The following PRPF38B variants were observed in gnomAD, a reference collection of about 807,000 sequenced individuals.
PRPF38B encodes pre-mRNA-splicing factor 38B.
PRPF38B carries 18 observed loss-of-function variants against 67.2 expected under a neutral mutation model. The observed-to-expected ratio is 0.27, with a 90% confidence interval of 0.19 to 0.40. The LOEUF (loss-of-function observed/expected upper bound fraction) is 0.40, where lower values mean the gene tolerates loss of function less well. Ranked by LOEUF, PRPF38B falls within the 10% of genes least tolerant of loss-of-function variation. The pLI is 1.00. For missense variants in PRPF38B, 544 were observed against 684.9 expected, an observed-to-expected ratio of 0.79 and a Z score of 2.30; for synonymous variants, 246 against 234.2, an observed-to-expected ratio of 1.05 and a Z score of -0.46.
Position 108,698,896 on chromosome 1 carries a change from T to C in PRPF38B, c.782+69T>C, listed in dbSNP as rs560385865. 205 of 1,400,564 alleles carry C rather than the reference T, an allele frequency of 1.5e-4. 1 individual carries two copies. The highest frequency in any genetic ancestry group is 9.8e-4 in the East Asian group (40 of 40,644). The allele number at this position is 1,400,564 out of a possible 1,614,324, so 86.8% of individuals were successfully genotyped here. On this transcript the variant is annotated intron_variant, in intron 5 of 5. Coordinates refer to ENST00000370025, the MANE Select transcript of PRPF38B (RefSeq NM_018061.4). ...ATACAAAATTAATGGTTCTGAGAAATAGCAAGTTCTTAGGAATTTGTTTTT... is the reference window on the plus strand; with the variant it reads ...ATACAAAATTAATGGTTCTGAGAAACAGCAAGTTCTTAGGAATTTGTTTTT...
chr1:108,695,202 TAG>T (rs1659752683), intron 1 of PRPF38B, among the ~76,000 whole-genome samples: 1 of 152,256 alleles, frequency 6.6e-6, no homozygotes, highest in South Asian at 2.1e-4. Context: ...TTTTATAATG[TAG>T]ATTTTAAATT....
At position 108,699,915 on chromosome 1, in the gene PRPF38B, C is replaced by T. The variant is rs766027763; in HGVS notation, c.1536C>T (p.His512=). 6 of 1,614,120 alleles carry T rather than the reference C, an allele frequency of 3.7e-6. No homozygotes were observed. In the South Asian group the frequency reaches 6.6e-5, roughly 18 times the overall value. ...AAGAACGTTCCCACAAACGAGATCA[C>T]AGTGATAGTAAGGACCAGTCAGACA... ...RSKERSHKRD[H]SDSKDQSDKH... The change falls in exon 6 of 6, where the codon CAC becomes CAT. Residue 512 remains histidine (H), a synonymous_variant. Coordinates refer to ENST00000370025, the MANE Select transcript of PRPF38B (RefSeq NM_018061.4).
At chr1:108,695,849 A>C in intron 2 of PRPF38B, 79 bp downstream of exon 2, 2 of 1,489,542 alleles carry the variant, frequency 1.3e-6, no homozygotes, top group South Asian at 2.4e-5. Flanking sequence ...GAGGCCTGTC[A>C]ATTATACACT....
At position 108,699,392 on chromosome 1, in the gene PRPF38B, G is replaced by A; in HGVS notation, c.1013G>A (p.Ser338Asn). The change falls in exon 6 of 6, where the codon AGT (serine) becomes AAT (asparagine). Residue 338 changes from serine (S) to asparagine (N), a missense_variant. Physicochemically the swap from Ser to Asn is conservative, Grantham distance 46. Transcript: ENST00000370025. Reference sequence around the variant, plus strand: ...AGCAGAAGTAGGGAAAGGCATAGAAGTCGCAGTCGAAGTCGTGATAGGAAA... The same window carrying A: ...AGCAGAAGTAGGGAAAGGCATAGAAATCGCAGTCGAAGTCGTGATAGGAAA... ...RRSRSRERHR[S>N]RSRSRDRKGD... The A allele has an allele frequency of 6.2e-7, 1 of 1,613,060 alleles. No homozygotes were observed. The highest frequency in any genetic ancestry group is 8.5e-7 in the Non-Finnish European group (1 of 1,179,104).
chr1:108,696,917 T>A (rs1022579088), intron 4 of PRPF38B: 1 of 549,794 alleles, frequency 1.8e-6, no homozygotes, highest in Admixed American at 3.5e-5. Flanking sequence ...AAAAAAGAAA[T>A]TTTTTAAATT....
chr1:108,699,439 C>T lies in PRPF38B; in HGVS notation c.1060C>T (p.Arg354Ter), dbSNP rs775081443. The T allele has an allele frequency of 6.2e-7, 1 of 1,612,192 alleles. No homozygotes were observed. The highest frequency in any genetic ancestry group is 2.2e-5 in the East Asian group (1 of 44,826). The change falls in exon 6 of 6, where the codon CGA (arginine) becomes TGA (stop). Residue 354 changes from arginine (R) to a stop codon, truncating the protein, a stop_gained. Transcript: ENST00000370025. LOFTEE classifies it high-confidence loss of function. ...GAAAGGGGATAGAAGGGACAGGGATCGAGAAAGAGAGAAAGAAAATGAGAG... is the reference window on the plus strand; with the variant it reads ...GAAAGGGGATAGAAGGGACAGGGATTGAGAAAGAGAGAAAGAAAATGAGAG... ...DRKGDRRDRD[R>*]EREKENERGR...
rs926673556 is a variant in PRPF38B at position 108,702,896 on chromosome 1, A to C, written c.*2876A>C. Reference sequence around the variant, plus strand: ...AATCTTTTGCCTGTTTTTAATGTTCAATTTGCAATTAAATTCTATACATGG... The same window carrying C: ...AATCTTTTGCCTGTTTTTAATGTTCCATTTGCAATTAAATTCTATACATGG... On this transcript the variant is annotated 3_prime_UTR_variant, in exon 6 of 6. Transcript: ENST00000370025. 1.3e-5 allele frequency among the ~76,000 whole-genome samples: 2 copies of C among 152,216 alleles called. No homozygotes were observed. The highest frequency in any genetic ancestry group is 2.9e-5 in the Non-Finnish European group (2 of 68,040).
chr1:108,692,687 C>A lies in PRPF38B; in HGVS notation c.96C>A (p.Gly32=). The A allele has an allele frequency of 6.2e-7, 1 of 1,612,908 alleles. No individual in the cohort carries two copies. The highest frequency in any genetic ancestry group is 1.7e-5 in the Admixed American group (1 of 60,026). ...AAQQQQQCGG[G]GATKPAVSGK... Reference sequence around the variant, plus strand: ...AGCAACAGCAGCAGTGCGGCGGCGGCGGCGCTACCAAGCCGGCGGTCTCCG... The same window carrying A: ...AGCAACAGCAGCAGTGCGGCGGCGGAGGCGCTACCAAGCCGGCGGTCTCCG... Residue 32 remains glycine (G), a synonymous_variant, in exon 1 of 6, where the codon GGC becomes GGA. Transcript: ENST00000370025.
chr1:108,701,168 A>G lies in PRPF38B; in HGVS notation c.*1148A>G, dbSNP rs1186365883. On this transcript the variant is annotated 3_prime_UTR_variant, in exon 6 of 6. Coordinates refer to ENST00000370025, the MANE Select transcript of PRPF38B (RefSeq NM_018061.4). ...GAACCATCATGAGTGTGGAATAAATACTGGATTAAATCCTTTATCCTGGGT... is the reference window on the plus strand; with the variant it reads ...GAACCATCATGAGTGTGGAATAAATGCTGGATTAAATCCTTTATCCTGGGT... The G allele has an allele frequency of 6.6e-6, 1 of 152,656 alleles. No homozygotes were observed. The highest frequency in any genetic ancestry group is 6.5e-5 in the Admixed American group (1 of 15,280). 9.5% of individuals were successfully genotyped at this position (152,656 alleles called of 1,614,324 possible).
In PRPF38B at chr1:108,699,522, G is replaced by T; in HGVS notation, c.1143G>T (p.Glu381Asp). The change falls in exon 6 of 6, where the codon GAG becomes GAT. Residue 381 changes from glutamate (E) to aspartate (D), a missense_variant. Around this residue, in one of 5 missense-constraint regions of PRPF38B, gnomAD observed 387 missense variants for 386.1 expected, o/e 1.00. Transcript: ENST00000370025. ...DKERGNEREK[E>D]RERSRERSKE... ...AAAGAGGAAATGAACGAGAAAAAGA[G>T]AGAGAGCGATCAAGAGAAAGGTCCA... is the stretch of plus-strand genomic sequence containing the variant. 6.4e-7 allele frequency: 1 copy of T among 1,562,466 alleles called. No individual in the cohort carries two copies. Among genetic ancestry groups the T allele is most frequent in the Non-Finnish European group, 8.7e-7 (1 of 1,153,178 alleles).
intron 1 of PRPF38B, among the ~76,000 whole-genome samples, chr1:108,694,656 A>C (rs1383109574): frequency 6.6e-6 from 1 of 152,204 alleles, no homozygotes; most frequent in Non-Finnish European, 1.5e-5. Flanking sequence ...ACTTACATGC[A>C]CGCTTTTCTA....
intron 4 of PRPF38B, chr1:108,698,012 C>T (rs1281929631): frequency 6.6e-6 from 1 of 152,214 alleles, no homozygotes; most frequent in African/African-American, 2.4e-5. Context: ...AGAAGGCCTT[C>T]ATGCGGTAAT....
intron 1 of PRPF38B, among the ~76,000 whole-genome samples, chr1:108,694,129 A>G (rs907938954): frequency 1.3e-5 from 2 of 152,252 alleles, no homozygotes; most frequent in African/African-American, 4.8e-5. Flanking sequence ...GTACACAAAT[A>G]AATTTGGAAT....
At position 108,702,150 on chromosome 1, in the gene PRPF38B, G is replaced by A. The variant is rs774470234; in HGVS notation, c.*2130G>A. Reference sequence around the variant, plus strand: ...TTTTAGTTTGTTTTTGTTTTGAGACGGGCCTGGCTCTGTCACCCAGACTGG... The same window carrying A: ...TTTTAGTTTGTTTTTGTTTTGAGACAGGCCTGGCTCTGTCACCCAGACTGG... On this transcript the variant is annotated 3_prime_UTR_variant, in exon 6 of 6. Coordinates refer to ENST00000370025, the MANE Select transcript of PRPF38B (RefSeq NM_018061.4). Among the ~76,000 whole-genome samples, 19 of 152,112 alleles carry A rather than the reference G, an allele frequency of 1.2e-4. No individual in the cohort carries two copies. The highest frequency in any genetic ancestry group is 4.3e-4 in the African/African-American group (18 of 41,412).
intron 1 of PRPF38B, among the ~76,000 whole-genome samples, chr1:108,693,815 C>T (rs1659576926): frequency 6.6e-6 from 1 of 152,072 alleles, no homozygotes. Context: ...TTCCAGGCCT[C>T]CGAAAGTTAA....
Position 108,699,754 on chromosome 1 carries a change from CAT to C in PRPF38B, c.1377_1378del (p.His459GlnfsTer3), listed in dbSNP as rs1660266779. The C allele has an allele frequency of 6.2e-7, 1 of 1,613,262 alleles. No homozygotes were observed. The highest frequency in any genetic ancestry group is 8.5e-7 in the Non-Finnish European group (1 of 1,179,846). ...TAGAAGCAAAGAGAAATCAAGTAAA[CAT>C]AAAAATGAAAGTAAAGAAAAATCAA... ...RSRSKEKSSK[H>X]KNESKEKSNK... On this transcript the variant is annotated frameshift_variant, in exon 6 of 6. Coordinates refer to ENST00000370025, the MANE Select transcript of PRPF38B (RefSeq NM_018061.4). LOFTEE classifies it high-confidence loss of function.
In PRPF38B at chr1:108,700,264, G is replaced by C. The variant is rs900367049; in HGVS notation, c.*244G>C. ...TCTTGCATTTTTATTGTTTGTTTTTGAAATGTACAGTCTGTACATATGTCC... is the reference window on the plus strand; with the variant it reads ...TCTTGCATTTTTATTGTTTGTTTTTCAAATGTACAGTCTGTACATATGTCC... On this transcript the variant is annotated 3_prime_UTR_variant, in exon 6 of 6. Transcript: ENST00000370025. The C allele has an allele frequency of 1.4e-5, 8 of 570,956 alleles. No homozygotes were observed. The Admixed American group carries it at 1.6e-4, about 12-fold the overall frequency. The allele number at this position is 570,956 out of a possible 1,614,324, so 35.4% of individuals were successfully genotyped here. A position where few individuals can be genotyped will look rare whatever the true frequency, so the allele number is the denominator to read the frequency against.
chr1:108,701,803 A>G lies in PRPF38B; in HGVS notation c.*1783A>G, dbSNP rs1307500170. On this transcript the variant is annotated 3_prime_UTR_variant, in exon 6 of 6. Transcript: ENST00000370025. ...TCTCATTAAATGAATTCTTCTAAAA[A>G]TGATATGCTTTTTTCTTTTTTAAGA... 1 of 152,222 alleles carries G rather than the reference A, an allele frequency of 6.6e-6. No homozygotes were observed. Among genetic ancestry groups the G allele is most frequent in the Non-Finnish European group, 1.5e-5 (1 of 68,028 alleles). The allele number at this position is 152,222 out of a possible 1,614,324, so 9.4% of individuals were successfully genotyped here.
At position 108,695,789 on chromosome 1, in the gene PRPF38B, AT is replaced by A; in HGVS notation, c.345+24del. Reference sequence around the variant, plus strand: ...CGGAGGGGTAAGTAGAAGTACGTGCATTTTTCAGTTTTTCTGTGTCTAATAA... The same window carrying A: ...CGGAGGGGTAAGTAGAAGTACGTGCATTTTCAGTTTTTCTGTGTCTAATAA... On this transcript the variant is annotated intron_variant, in intron 2 of 5. Coordinates refer to ENST00000370025, the MANE Select transcript of PRPF38B (RefSeq NM_018061.4). 1 of 1,610,976 alleles carries A rather than the reference AT, an allele frequency of 6.2e-7. No homozygotes were observed. The highest frequency in any genetic ancestry group is 8.5e-7 in the Non-Finnish European group (1 of 1,178,204).
Sources: gnomAD v4.1 joint callset for allele counts (sites outside exome capture counted in the v4.1 genomes callset) on GRCh38, gnomAD v4.1.1 for gene constraint, gnomAD v4.1.1 regional missense constraint, MANE v1.5 for transcripts, NCBI Gene and HGNC (gene_info 2026-07-23, HGNC 2026-07-21) for gene names.